Variants in RAPGEF5 observed in about 807,000 individuals in gnomAD.
The protein encoded by RAPGEF5 is Rap guanine nucleotide exchange factor 5, also known as M-Ras-regulated GEF.
Under a neutral mutation model 125.2 loss-of-function variants are expected in RAPGEF5, and 65 were observed. The observed-to-expected ratio is 0.52, with a 90% CI of 0.43 to 0.64. The LOEUF (loss-of-function observed/expected upper bound fraction) is 0.64, where lower values mean the gene tolerates loss of function less well. Among genes scored for constraint, RAPGEF5 ranks in the 30% least tolerant of loss-of-function variants. The pLI is 0.00. For missense variants in RAPGEF5, 958 were observed against 1,048.1 expected (o/e 0.91, Z 1.19); for synonymous variants, 391 against 385.9 (o/e 1.01, Z -0.16).
At chr7:22,354,755 G>A (rs1784391121) in intron 1 of RAPGEF5, among the ~76,000 whole-genome samples, 2 of 152,140 alleles carry the variant, frequency 1.3e-5, no homozygotes, top group South Asian at 4.2e-4. Flanking sequence ...GAGGATATAC[G>A]AGAAAGTGGT....
At chr7:22,339,302 C>T (rs1397127681) in intron 1 of RAPGEF5, among the ~76,000 whole-genome samples, 1 of 152,222 alleles carries the variant, frequency 6.6e-6, no homozygotes, top group African/African-American at 2.4e-5. Flanking sequence ...TGCCTTATGC[C>T]TCTCAGTTGA....
intron 9 of RAPGEF5, among the ~76,000 whole-genome samples, chr7:22,208,393 A>G (rs1294392551): frequency 6.6e-6 from 1 of 152,212 alleles, no homozygotes; most frequent in East Asian, 1.9e-4. Flanking sequence ...GTTGTCTTCT[A>G]TCTTCACTAG....
At chr7:22,230,275 C>T (rs879520266) in intron 8 of RAPGEF5, among the ~76,000 whole-genome samples, 1 of 152,154 alleles carries the variant, frequency 6.6e-6, no homozygotes, top group Non-Finnish European at 1.5e-5. Flanking sequence ...ACTGTCCATG[C>T]AATCTTTATT....
chr7:22,351,280 C>T (rs1784324277), intron 1 of RAPGEF5, among the ~76,000 whole-genome samples: 1 of 152,160 alleles, frequency 6.6e-6, no homozygotes, highest in Non-Finnish European at 1.5e-5. Flanking sequence ...TTCCCCTAAA[C>T]CCAATATGTC....
rs549505543 is a variant in RAPGEF5 at position 22,214,535 on chromosome 7, T to C, written c.996+5331A>G. On this transcript the variant is annotated intron_variant, in intron 9 of 25. Transcript: ENST00000665637. ...ACAGGTTCAGTTTTCTGGTGAATAG[T>C]GCAGCTATATTCCTGGAAATAGGAC... is the stretch of plus-strand genomic sequence containing the variant. 1.1e-3 allele frequency among the ~76,000 whole-genome samples: 164 copies of C among 152,370 alleles called. 2 individuals are homozygous for C. Among genetic ancestry groups the C allele is most frequent in the African/African-American group, 3.5e-3 (145 of 41,592 alleles).
chr7:22,326,841 C>A (rs1245218272), intron 1 of RAPGEF5, among the ~76,000 whole-genome samples: 1 of 152,162 alleles, frequency 6.6e-6, no homozygotes, highest in Non-Finnish European at 1.5e-5. Flanking sequence ...CTTAAAAAGT[C>A]TGCTGAGAGA....
At chr7:22,326,560 T>C (rs997160134) in intron 1 of RAPGEF5, among the ~76,000 whole-genome samples, 3 of 152,190 alleles carry the variant, frequency 2.0e-5, no homozygotes, top group African/African-American at 7.2e-5. Context: ...CCAGGCAATA[T>C]ATTCTAGTGC....
At chr7:22,177,290 C>T (rs1784538696) in intron 11 of RAPGEF5, among the ~76,000 whole-genome samples, 1 of 152,230 alleles carries the variant, frequency 6.6e-6, no homozygotes. Context: ...ACACCCCAAC[C>T]CCTACCCAGC....
At chr7:22,274,070 C>T (rs1782502809) in intron 6 of RAPGEF5, among the ~76,000 whole-genome samples, 1 of 152,178 alleles carries the variant, frequency 6.6e-6, no homozygotes, top group Non-Finnish European at 1.5e-5. Flanking sequence ...TCCCATGCTC[C>T]AGGTTTTCTC....
chr7:22,123,971 A>G (rs1782659913), intron 25 of RAPGEF5, among the ~76,000 whole-genome samples: 1 of 152,254 alleles, frequency 6.6e-6, no homozygotes, highest in South Asian at 2.1e-4. Context: ...CTATGCTCAT[A>G]TAAACCGTTA....
chr7:22,286,694 G>A (rs1782806242), intron 6 of RAPGEF5, among the ~76,000 whole-genome samples: 1 of 152,102 alleles, frequency 6.6e-6, no homozygotes, highest in South Asian at 2.1e-4. Context: ...AAGAATTGTG[G>A]CTTTGAAAGT....
intron 11 of RAPGEF5, among the ~76,000 whole-genome samples, chr7:22,174,726 G>C (rs1445393097): frequency 6.6e-6 from 1 of 152,204 alleles, no homozygotes; most frequent in East Asian, 1.9e-4. Flanking sequence ...GGGAAGTGAA[G>C]GGAGATTTTC....
intron 9 of RAPGEF5, among the ~76,000 whole-genome samples, chr7:22,212,755 A>C (rs903454585): frequency 7.2e-5 from 11 of 152,178 alleles, no homozygotes; most frequent in African/African-American, 2.7e-4. Flanking sequence ...TGGTAGTAAC[A>C]CTGTTACATT....
intron 7 of RAPGEF5, among the ~76,000 whole-genome samples, chr7:22,252,901 C>T (rs1274928638): frequency 1.3e-5 from 2 of 151,980 alleles, no homozygotes; most frequent in Non-Finnish European, 2.9e-5. Flanking sequence ...TTTAACTTTA[C>T]AATGCATTAA....
intron 7 of RAPGEF5, among the ~76,000 whole-genome samples, chr7:22,235,125 G>C (rs912986570): frequency 1.3e-5 from 2 of 152,202 alleles, no homozygotes; most frequent in Non-Finnish European, 2.9e-5. Context: ...GCCTCAATGT[G>C]AGACATCAGC....
intron 7 of RAPGEF5, among the ~76,000 whole-genome samples, chr7:22,250,052 A>G (rs1786579930): frequency 6.6e-6 from 1 of 152,226 alleles, no homozygotes; most frequent in South Asian, 2.1e-4. Context: ...GGATTATTTT[A>G]CAAAGTATCT....
chr7:22,264,155 T>A (rs1782226630), intron 7 of RAPGEF5, among the ~76,000 whole-genome samples: 1 of 151,184 alleles, frequency 6.6e-6, no homozygotes, highest in Non-Finnish European at 1.5e-5. Flanking sequence ...TTAAAAAAAA[T>A]GCAACAGATA....
intron 9 of RAPGEF5, among the ~76,000 whole-genome samples, chr7:22,210,311 A>G (rs1220914925): frequency 6.6e-6 from 1 of 152,238 alleles, no homozygotes; most frequent in Non-Finnish European, 1.5e-5. Flanking sequence ...GAATGTTAGA[A>G]TTCTTTATTC....
intron 1 of RAPGEF5, among the ~76,000 whole-genome samples, chr7:22,332,906 C>G (rs10281512): frequency 6.6e-6 from 1 of 152,172 alleles, no homozygotes; most frequent in African/African-American, 2.4e-5. Context: ...TGGCTGTTTT[C>G]GTAAATCACT....
Sources: gnomAD v4.1 joint callset for allele counts (sites outside exome capture counted in the v4.1 genomes callset) on GRCh38, gnomAD v4.1.1 for gene constraint, MANE v1.5 for transcripts, NCBI Gene and HGNC (gene_info 2026-07-23, HGNC 2026-07-21) for gene names.